Variants in BMPR1A observed in about 807,000 individuals in gnomAD.
The protein encoded by BMPR1A is bone morphogenetic protein receptor type-1A.
A neutral mutation model predicts 66.0 loss-of-function variants in BMPR1A; 7 were observed. The ratio of observed to expected loss-of-function variants is 0.11; its 90% confidence interval spans 0.06 to 0.20. The LOEUF is 0.20. Ranked by LOEUF, BMPR1A falls within the 10% of genes least tolerant of loss-of-function variation. BMPR1A has a pLI of 1.00. For synonymous variants in BMPR1A, 200 were observed against 229.7 expected, an observed-to-expected ratio of 0.87 and a Z score of 1.17; for missense variants, 408 against 669.1, an observed-to-expected ratio of 0.61 and a Z score of 4.31.
chr10:86,838,371 G>A (rs1842380226), intron 1 of BMPR1A, among the ~76,000 whole-genome samples: 1 of 152,194 alleles, frequency 6.6e-6, no homozygotes, highest in Non-Finnish European at 1.5e-5. Flanking sequence ...ACCAACCAGT[G>A]CAATTAATTC....
intron 1 of BMPR1A, among the ~76,000 whole-genome samples, chr10:86,832,238 C>A (rs924822120): frequency 6.6e-6 from 1 of 152,064 alleles, no homozygotes; most frequent in Non-Finnish European, 1.5e-5. Flanking sequence ...GAGGCCTAGG[C>A]GGTTGGATCA....
chr10:86,904,595 TG>T, intron 7 of BMPR1A, among the ~76,000 whole-genome samples: 1 of 152,270 alleles, frequency 6.6e-6, no homozygotes, highest in Admixed American at 6.5e-5. Flanking sequence ...ACAAGAAATG[TG>T]AAGGGAAGTT....
At chr10:86,758,284 G>C (rs1446931553) in intron 1 of BMPR1A, among the ~76,000 whole-genome samples, 1 of 152,078 alleles carries the variant, frequency 6.6e-6, no homozygotes, top group African/African-American at 2.4e-5. Flanking sequence ...ACCCTTTACA[G>C]AAGAGGTTGA....
chr10:86,892,268 G>T, intron 5 of BMPR1A, 39 bp downstream of exon 5: 1 of 1,519,828 alleles, frequency 6.6e-7, no homozygotes, highest in East Asian at 2.3e-5. Flanking sequence ...AAAGAAGGGA[G>T]GGGCCATATG....
At chr10:86,776,104 T>G (rs1841344226) in intron 1 of BMPR1A, among the ~76,000 whole-genome samples, 1 of 152,218 alleles carries the variant, frequency 6.6e-6, no homozygotes. Context: ...TAGACTAATG[T>G]TTTTAAATGG....
chr10:86,931,298 C>CACACACACACACACAT, downstream of BMPR1A: 2 of 90,926 alleles, frequency 2.2e-5, no homozygotes, highest in Admixed American at 1.1e-4. Context: ...CACACACACA[C>CACACACACACACACAT]ATATATATAT....
Position 86,791,680 on chromosome 10 carries a change from A to ACTTCCTTCCTTCCTCCCTCCCTCCCTCC in BMPR1A, c.-268+34771_-268+34772insTCCTCCCTCCCTCCCTCCCTTCCTTCCT, listed in dbSNP as rs759218188. Among the ~76,000 whole-genome samples, 429 of 103,792 alleles carry ACTTCCTTCCTTCCTCCCTCCCTCCCTCC rather than the reference A, an allele frequency of 4.1e-3. 33 individuals are homozygous for ACTTCCTTCCTTCCTCCCTCCCTCCCTCC. Among genetic ancestry groups the ACTTCCTTCCTTCCTCCCTCCCTCCCTCC allele is most frequent in the Non-Finnish European group, 5.0e-3 (281 of 55,644 alleles). 68.1% of individuals were successfully genotyped at this position (103,792 alleles called of 152,430 possible). On this transcript the variant is annotated intron_variant, in intron 1 of 12. Coordinates refer to ENST00000372037, the MANE Select transcript of BMPR1A (RefSeq NM_004329.3). The stretch of plus-strand genomic sequence containing the variant: ...TCCAGTAATTTTTCTTTCCTTCTTT[A>ACTTCCTTCCTTCCTCCCTCCCTCCCTCC]CTTCCTTCCTCCCTCCCTCCCTCCC...
chr10:86,837,253 G>GTC (rs1842365603), intron 1 of BMPR1A, among the ~76,000 whole-genome samples: 1 of 134,328 alleles, frequency 7.4e-6, no homozygotes, highest in African/African-American at 2.8e-5. Context: ...GTGTCTGTGT[G>GTC]TGTGTGTGTG....
At chr10:86,758,598 TA>T (rs1454888180) in intron 1 of BMPR1A, among the ~76,000 whole-genome samples, 2 of 152,252 alleles carry the variant, frequency 1.3e-5, no homozygotes, top group African/African-American at 4.8e-5. Flanking sequence ...ATTAACATTT[TA>T]AAAAGCTTGT....
intron 7 of BMPR1A, among the ~76,000 whole-genome samples, chr10:86,903,212 G>T (rs1843335934): frequency 2.6e-5 from 4 of 151,982 alleles, no homozygotes; most frequent in African/African-American, 9.7e-5. Context: ...CCATAATGAG[G>T]GAAGAAATGA....
intron 2 of BMPR1A, among the ~76,000 whole-genome samples, chr10:86,842,935 A>T (rs187858117): frequency 6.6e-6 from 1 of 152,268 alleles, no homozygotes; most frequent in Non-Finnish European, 1.5e-5. Flanking sequence ...CTCCCACAAC[A>T]TGGGGGAATT....
intron 7 of BMPR1A, among the ~76,000 whole-genome samples, chr10:86,907,572 C>CT (rs397746316): frequency 2.6e-5 from 4 of 151,888 alleles, no homozygotes; most frequent in African/African-American, 7.3e-5. Flanking sequence ...TGGAATCAAC[C>CT]GTGTCCATCA....
rs569245010 is a variant in BMPR1A at position 86,907,771 on chromosome 10, A to G, written c.531-4469A>G. On this transcript the variant is annotated intron_variant, in intron 7 of 12. Transcript: ENST00000372037. ...CGTGGGAGCTAAAAAGGTTGATTTC[A>G]TAGAGGTGGTAAGTAGAATAACATA... 7.2e-5 allele frequency among the ~76,000 whole-genome samples: 11 copies of G among 152,356 alleles called. 1 individual carries two copies. The South Asian group carries it at 1.9e-3, about 26-fold the overall frequency.
At chr10:86,854,624 C>A in intron 2 of BMPR1A, 2 of 164,124 alleles carry the variant, frequency 1.2e-5, no homozygotes, top group South Asian at 3.3e-4. Context: ...ACTTCCTGCT[C>A]CAAGATTTGC....
At chr10:86,770,047 TTTGGGAGGCCGAG>T (rs1841228137) in intron 1 of BMPR1A, among the ~76,000 whole-genome samples, 1 of 152,014 alleles carries the variant, frequency 6.6e-6, no homozygotes, top group African/African-American at 2.4e-5. Flanking sequence ...ATCGCAGTAC[TTTGGGAGGCCGAG>T]GTGGGAGGAT....
At chr10:86,894,928 C>T (rs1843204427) in intron 5 of BMPR1A, among the ~76,000 whole-genome samples, 1 of 152,186 alleles carries the variant, frequency 6.6e-6, no homozygotes, top group South Asian at 2.1e-4. Flanking sequence ...TCAGTAGGTC[C>T]TGTTGCTGAA....
intron 3 of BMPR1A, among the ~76,000 whole-genome samples, chr10:86,886,384 A>C (rs1589761717): frequency 6.6e-6 from 1 of 152,220 alleles, no homozygotes; most frequent in African/African-American, 2.4e-5. Flanking sequence ...GACCAAGAGC[A>C]GAAGCAGAGG....
intron 1 of BMPR1A, among the ~76,000 whole-genome samples, chr10:86,757,374 C>G (rs1000821549): frequency 2.0e-5 from 3 of 152,180 alleles, no homozygotes; most frequent in Admixed American, 6.5e-5. Context: ...CCCGAGTCCC[C>G]GCGGGAAGGG....
chr10:86,767,899 A>G (rs1841193806), intron 1 of BMPR1A, among the ~76,000 whole-genome samples: 1 of 152,128 alleles, frequency 6.6e-6, no homozygotes, highest in African/African-American at 2.4e-5. Flanking sequence ...ATTGTTATAA[A>G]CTATCCTATG....
Sources: gnomAD v4.1 joint callset for allele counts (sites outside exome capture counted in the v4.1 genomes callset) on GRCh38, gnomAD v4.1.1 for gene constraint, MANE v1.5 for transcripts, NCBI Gene and HGNC (gene_info 2026-07-23, HGNC 2026-07-21) for gene names.